The following DCUN1D3 variants were observed in gnomAD, a reference collection of about 807,000 sequenced individuals.
The protein encoded by DCUN1D3 is defective in cullin neddylation 1 domain containing 3, also known as DCN1-like protein 3.
A neutral mutation model predicts 24.8 loss-of-function variants in DCUN1D3; 6 were observed. The ratio of observed to expected loss-of-function variants is 0.24; its 90% CI spans 0.13 to 0.48. DCUN1D3 has a LOEUF of 0.48. Ranked by LOEUF, DCUN1D3 falls within the 20% of genes least tolerant of loss-of-function variation. The pLI, the probability that DCUN1D3 is intolerant of heterozygous loss-of-function variation, is 0.99. For synonymous variants in DCUN1D3, 120 were observed against 144.9 expected (o/e 0.83, Z 1.24); for missense variants, 258 against 379.4 (o/e 0.68, Z 2.66).
intron 1 of DCUN1D3, among the ~76,000 whole-genome samples, chr16:20,877,511 G>A (rs917040389): frequency 2.0e-5 from 3 of 152,160 alleles, no homozygotes; most frequent in African/African-American, 7.2e-5. Context: ...GTGCACCTAG[G>A]CTATGTGGCA....
At chr16:20,880,634 A>G (rs2152517880) in intron 1 of DCUN1D3, among the ~76,000 whole-genome samples, 1 of 148,980 alleles carries the variant, frequency 6.7e-6, no homozygotes, top group East Asian at 2.0e-4. Context: ...AAAAAACAGA[A>G]AAAAGAAAAA....
chr16:20,876,920 T>C (rs939705450), intron 1 of DCUN1D3, among the ~76,000 whole-genome samples: 1 of 152,096 alleles, frequency 6.6e-6, no homozygotes, highest in Non-Finnish European at 1.5e-5. Context: ...AGAGAGACAG[T>C]TATCTTCTCT....
Position 20,860,880 on chromosome 16 carries a change from A to T in DCUN1D3, c.432-511T>A, listed in dbSNP as rs867737736. On this transcript the variant is annotated intron_variant, in intron 2 of 2. Coordinates refer to ENST00000324344, the MANE Select transcript of DCUN1D3 (RefSeq NM_173475.4). The surrounding 1 kb of genome is among the most constrained non-coding windows in gnomAD (Gnocchi z 4.3). Reference sequence around the variant, plus strand: ...ACCAGAGATCAAAATTCTATTATTAAAAAACAAAAATTATGTATGTATTTT... The same window carrying T: ...ACCAGAGATCAAAATTCTATTATTATAAAACAAAAATTATGTATGTATTTT... 5.7e-4 allele frequency among the ~76,000 whole-genome samples: 87 copies of T among 152,220 alleles called. 2 individuals carry two copies. The highest frequency in any genetic ancestry group is 1.9e-4 in the Non-Finnish European group (13 of 68,046).
At chr16:20,865,655 G>T (rs1346932058) in intron 1 of DCUN1D3, among the ~76,000 whole-genome samples, 2 of 152,172 alleles carry the variant, frequency 1.3e-5, no homozygotes, top group East Asian at 3.8e-4. Context: ...CAGGTCTAGG[G>T]AGCTTTCATG....
intron 1 of DCUN1D3, among the ~76,000 whole-genome samples, chr16:20,874,159 A>T (rs1018259530): frequency 2.0e-5 from 3 of 152,228 alleles, no homozygotes; most frequent in Admixed American, 1.3e-4. Flanking sequence ...AAGAGAGAGA[A>T]GATCTAATTG....
chr16:20,876,241 A>G (rs2081814469), intron 1 of DCUN1D3, among the ~76,000 whole-genome samples: 1 of 152,184 alleles, frequency 6.6e-6, no homozygotes, highest in Non-Finnish European at 1.5e-5. Context: ...TGCTGGGATT[A>G]CAGGCTCGAG....
intron 2 of DCUN1D3, 112 bp downstream of exon 2, chr16:20,861,996 T>C: frequency 1.7e-6 from 2 of 1,160,370 alleles, no homozygotes; most frequent in Non-Finnish European, 2.4e-6. Context: ...AATAAAAACT[T>C]ACCCAAAACC....
chr16:20,887,771 A>T (rs1378209456), intron 1 of DCUN1D3, among the ~76,000 whole-genome samples: 1 of 152,210 alleles, frequency 6.6e-6, no homozygotes, highest in Admixed American at 6.5e-5. Context: ...GCTGAAATAA[A>T]TCTATTTCTT....
chr16:20,859,873 T>TG lies in DCUN1D3; in HGVS notation c.*12dup. The stretch of plus-strand genomic sequence containing the variant: ...GCTGGCAGATCCTTGCTGCTGCTCC[T>TG]GGGACAGAGCCACTAAGTCTGCTCC... On this transcript the variant is annotated 3_prime_UTR_variant, in exon 3 of 3. Transcript: ENST00000324344. The TG allele has an allele frequency of 6.3e-7, 1 of 1,589,790 alleles. No homozygotes were observed. Among genetic ancestry groups the TG allele is most frequent in the South Asian group, 1.1e-5 (1 of 87,958 alleles).
rs767500045 is a variant in DCUN1D3, at chr16:20,862,170, T to C, written c.369A>G (p.Thr123=). The C allele has an allele frequency of 5.6e-6, 9 of 1,614,234 alleles. No homozygotes were observed. Among genetic ancestry groups the C allele is most frequent in the East Asian group, 2.2e-5 (1 of 44,888 alleles). ...AAGCCAAGAGCAGCACTCGAAATTC[T>C]GTGGGGTCAACACACAGGTCATTGC... ...RFCNDLCVDP[T]EFRVLLLAWK... is the part of the protein sequence containing the mutation. Residue 123 remains threonine, a synonymous_variant, in exon 2 of 3, where the codon ACA becomes ACG. Coordinates refer to ENST00000324344, the MANE Select transcript of DCUN1D3 (RefSeq NM_173475.4).
intron 1 of DCUN1D3, among the ~76,000 whole-genome samples, chr16:20,879,735 T>G (rs111671684): frequency 0.014 from 2,148 of 152,198 alleles, 49 homozygotes; most frequent in African/African-American, 0.049. Context: ...AATAAAGACC[T>G]CCCCAAAGGA....
At position 20,862,399 on chromosome 16, in the gene DCUN1D3, G is replaced by T. The variant is rs371819424; in HGVS notation, c.140C>A (p.Pro47Gln). 37 of 1,614,054 alleles carry T rather than the reference G, an allele frequency of 2.3e-5. No homozygotes were observed. The South Asian group carries it at 4.1e-4, about 18-fold the overall frequency. The change falls in exon 2 of 3, where the codon CCA (proline) becomes CAA (glutamine). Residue 47 changes from proline to glutamine, a missense_variant. By Grantham distance (76) the Pro-to-Gln change is moderately conservative. Transcript: ENST00000324344. ...REEQVPPCGK[P>Q]GGDILVNGTK... is the part of the protein sequence containing the mutation. The stretch of plus-strand genomic sequence containing the variant: ...CCCGTTGACGAGGATATCTCCACCT[G>T]GCTTGCCACAGGGTGGTACCTGCTC...
intron 1 of DCUN1D3, among the ~76,000 whole-genome samples, chr16:20,882,042 C>A (rs934112091): frequency 1.3e-5 from 2 of 152,028 alleles, no homozygotes; most frequent in African/African-American, 4.8e-5. Context: ...ACCTTGTGAT[C>A]TGCCCGCCTC....
intron 1 of DCUN1D3, among the ~76,000 whole-genome samples, chr16:20,899,166 A>G (rs2081941567): frequency 6.6e-6 from 1 of 152,280 alleles, no homozygotes; most frequent in South Asian, 2.1e-4. Context: ...CAAAAAAGTA[A>G]TATGGGGTTT....
chr16:20,866,970 A>G (rs1367393589), intron 1 of DCUN1D3, among the ~76,000 whole-genome samples: 1 of 152,174 alleles, frequency 6.6e-6, no homozygotes, highest in Non-Finnish European at 1.5e-5. Flanking sequence ...GCAGCACTTC[A>G]AGTGTTTTAA....
intron 1 of DCUN1D3, among the ~76,000 whole-genome samples, chr16:20,878,364 C>G (rs1401195576): frequency 6.6e-6 from 1 of 152,162 alleles, no homozygotes; most frequent in Non-Finnish European, 1.5e-5. Context: ...CCTGTCATGT[C>G]TCTTTTTGAC....
chr16:20,886,561 A>G (rs2081868915), intron 1 of DCUN1D3, among the ~76,000 whole-genome samples: 2 of 152,246 alleles, frequency 1.3e-5, no homozygotes, highest in Non-Finnish European at 2.9e-5. Context: ...ACCAGGAGAA[A>G]GAGATAACAT....
At chr16:20,876,110 G>T (rs1468278956) in intron 1 of DCUN1D3, among the ~76,000 whole-genome samples, 1 of 152,024 alleles carries the variant, frequency 6.6e-6, no homozygotes, top group Non-Finnish European at 1.5e-5. Context: ...GGGATTACAG[G>T]CGCATGCCAC....
At chr16:20,886,300 T>C (rs1240537835) in intron 1 of DCUN1D3, among the ~76,000 whole-genome samples, 1 of 152,214 alleles carries the variant, frequency 6.6e-6, no homozygotes, top group Non-Finnish European at 1.5e-5. Context: ...GGTGTGGCGC[T>C]GCACTAGAGT....
Sources: allele counts gnomAD v4.1 joint callset (sites outside exome capture counted in the v4.1 genomes callset), GRCh38; gene constraint gnomAD v4.1.1; non-coding constraint Gnocchi (gnomAD v3.1); transcripts MANE v1.5; gene names NCBI Gene and HGNC (gene_info 2026-07-23, HGNC 2026-07-21).